The following SLX4IP variants were observed in gnomAD, a reference collection of about 807,000 sequenced individuals.
SLX4IP encodes the protein SLX4 interacting protein, also known as protein SLX4IP.
A neutral mutation model predicts 32.9 loss-of-function variants in SLX4IP; 34 were observed. That is an observed-to-expected ratio of 1.03 (90% confidence interval 0.79 to 1.38). The LOEUF is 1.38. SLX4IP is among the 40% of genes most tolerant of loss of function. The pLI is 0.00. For synonymous variants in SLX4IP, 172 were observed against 171.7 expected (o/e 1.00, Z -0.01); for missense variants, 444 against 479.0 (o/e 0.93, Z 0.68).
chr20:10,613,872 A>G, intron 6 of SLX4IP: 1 of 1,572,618 alleles, frequency 6.4e-7, no homozygotes, highest in Non-Finnish European at 8.8e-7. Context: ...TGTCTTTTCA[A>G]AAGCTTGAAC....
chr20:10,598,804 C>G lies in SLX4IP; in HGVS notation c.316+52C>G, dbSNP rs768464993. ...AGACATTTCACACAATCTGCTTGCC[C>G]TAGATAGAGAAGGGATGAAAATTAA... is the stretch of plus-strand genomic sequence containing the variant. On this transcript the variant is annotated intron_variant, in intron 5 of 7. Transcript: ENST00000334534. 10 of 1,561,306 alleles carry G rather than the reference C, an allele frequency of 6.4e-6. No individual in the cohort carries two copies. The South Asian group carries it at 1.1e-4, about 17-fold the overall frequency.
chr20:10,481,449 C>G (rs1050062000), intron 2 of SLX4IP, among the ~76,000 whole-genome samples: 2 of 152,110 alleles, frequency 1.3e-5, no homozygotes, highest in African/African-American at 4.8e-5. Flanking sequence ...ATCTGCCTTT[C>G]ATTTTTATTA....
intron 1 of SLX4IP, among the ~76,000 whole-genome samples, chr20:10,450,837 C>T (rs577408408): frequency 2.0e-5 from 3 of 152,098 alleles, no homozygotes; most frequent in Non-Finnish European, 4.4e-5. Context: ...CTGCAAGCTC[C>T]GCCTCCCGGG....
intron 2 of SLX4IP, among the ~76,000 whole-genome samples, chr20:10,537,030 T>C (rs2066052952): frequency 6.6e-6 from 1 of 152,336 alleles, no homozygotes; most frequent in South Asian, 2.1e-4. Flanking sequence ...ATGGTTTTAA[T>C]CAAATTTTAG....
intron 2 of SLX4IP, among the ~76,000 whole-genome samples, chr20:10,501,200 T>C (rs928843414): frequency 6.6e-6 from 1 of 152,208 alleles, no homozygotes; most frequent in Non-Finnish European, 1.5e-5. Flanking sequence ...AATATTACCA[T>C]ATTTAGAAAT....
intron 2 of SLX4IP, among the ~76,000 whole-genome samples, chr20:10,521,765 G>T (rs2065902407): frequency 6.6e-6 from 1 of 152,128 alleles, no homozygotes; most frequent in African/African-American, 2.4e-5. Context: ...TTCCTTCAGA[G>T]GCTGCTTCTC....
chr20:10,568,818 G>T (rs2066425990), intron 4 of SLX4IP, among the ~76,000 whole-genome samples: 1 of 152,198 alleles, frequency 6.6e-6, no homozygotes, highest in Non-Finnish European at 1.5e-5. Context: ...CAACTGGGAA[G>T]ACAACTGCAG....
chr20:10,601,231 G>T lies in SLX4IP; in HGVS notation c.317-500G>T, dbSNP rs183172619. ...AGAAAAGCTGCTGTTTTCCCAGCCT[G>T]CTTCAGATTAGTAGTTTGCCCTCCA... On this transcript the variant is annotated intron_variant, in intron 5 of 7. Transcript: ENST00000334534. Among the ~76,000 whole-genome samples the T allele has an allele frequency of 7.2e-5, 11 of 152,278 alleles. No homozygotes were observed. In the East Asian group the frequency reaches 1.4e-3, roughly 19 times the overall value.
chr20:10,475,367 C>T (rs970919580), intron 2 of SLX4IP, among the ~76,000 whole-genome samples: 3 of 152,172 alleles, frequency 2.0e-5, no homozygotes, highest in African/African-American at 4.8e-5. Flanking sequence ...CTTAGACTAG[C>T]GTAACTGCTA....
At chr20:10,566,241 A>G (rs114607437) in intron 4 of SLX4IP, among the ~76,000 whole-genome samples, 1,600 of 116,244 alleles carry the variant, frequency 0.014, 29 homozygotes, top group African/African-American at 0.04. Context: ...GTTTTAGTTA[A>G]CTTTTAGCAC....
intron 2 of SLX4IP, among the ~76,000 whole-genome samples, chr20:10,519,660 T>A (rs1046440153): frequency 5.3e-5 from 8 of 152,260 alleles, no homozygotes; most frequent in Non-Finnish European, 1.2e-4. Flanking sequence ...TGGACTGTTA[T>A]GACTAATGTT....
intron 2 of SLX4IP, among the ~76,000 whole-genome samples, chr20:10,535,470 T>C (rs966124896): frequency 1.3e-5 from 2 of 152,104 alleles, no homozygotes; most frequent in African/African-American, 4.8e-5. Context: ...TACAGGTGCG[T>C]GCCACCATGC....
intron 2 of SLX4IP, among the ~76,000 whole-genome samples, chr20:10,502,365 A>T (rs994522779): frequency 1.3e-5 from 2 of 152,184 alleles, no homozygotes; most frequent in African/African-American, 4.8e-5. Flanking sequence ...GTCAGATCCC[A>T]TCACTCCTCG....
intron 4 of SLX4IP, among the ~76,000 whole-genome samples, chr20:10,592,709 A>G (rs1435500922): frequency 8.1e-6 from 1 of 124,204 alleles, no homozygotes; most frequent in East Asian, 2.5e-4. Context: ...ATCTCGGCTC[A>G]CTGCAACCTC....
At chr20:10,453,852 A>G (rs1475730874) in intron 1 of SLX4IP, among the ~76,000 whole-genome samples, 1 of 152,004 alleles carries the variant, frequency 6.6e-6, no homozygotes, top group African/African-American at 2.4e-5. Flanking sequence ...TGGTCTTTTA[A>G]TTTTAATTTA....
intron 2 of SLX4IP, among the ~76,000 whole-genome samples, chr20:10,530,137 C>T (rs1017973044): frequency 1.3e-5 from 2 of 152,166 alleles, no homozygotes; most frequent in Non-Finnish European, 2.9e-5. Context: ...GGGAAACAAT[C>T]GTGTAAGAAG....
At chr20:10,606,213 T>C (rs182426178) in intron 6 of SLX4IP, among the ~76,000 whole-genome samples, 2 of 152,218 alleles carry the variant, frequency 1.3e-5, no homozygotes, top group Non-Finnish European at 2.9e-5. Flanking sequence ...GTAGTTATAT[T>C]TGATCTTAAG....
At chr20:10,613,739 C>T (rs2066994503) in intron 6 of SLX4IP, 2 of 1,613,446 alleles carry the variant, frequency 1.2e-6, no homozygotes, top group East Asian at 2.2e-5. Flanking sequence ...GAATGATATT[C>T]CTTATCCTGG....
At position 10,583,045 on chromosome 20, in the gene SLX4IP, C is replaced by T. The variant is rs2066602559; in HGVS notation, c.239-15630C>T. 2.0e-5 allele frequency among the ~76,000 whole-genome samples: 3 copies of T among 152,062 alleles called. No homozygotes were observed. The South Asian group carries it at 6.2e-4, about 31-fold the overall frequency. On this transcript the variant is annotated intron_variant, in intron 4 of 7. Coordinates refer to ENST00000334534, the MANE Select transcript of SLX4IP (RefSeq NM_001009608.3). ...TTTAAAACATCAGAAATTTCAAATA[C>T]ATACAAAAATAGGATCATATAATGA...
Sources: gnomAD v4.1 joint callset for allele counts (sites outside exome capture counted in the v4.1 genomes callset) on GRCh38, gnomAD v4.1.1 for gene constraint, MANE v1.5 for transcripts, NCBI Gene and HGNC (gene_info 2026-07-23, HGNC 2026-07-21) for gene names.